The following TUBA1C variants were observed in gnomAD, a reference collection of about 807,000 sequenced individuals.
TUBA1C encodes tubulin alpha-1C chain.
TUBA1C carries 16 observed loss-of-function variants against 34.9 expected under a neutral mutation model. The ratio of observed to expected loss-of-function variants is 0.46; its 90% CI spans 0.31 to 0.70. TUBA1C has a LOEUF of 0.70. TUBA1C is among the 30% of genes least tolerant of loss of function. The pLI is 0.05. For missense variants in TUBA1C, 329 were observed against 587.3 expected, an observed-to-expected ratio of 0.56 and a Z score of 4.55; for synonymous variants, 177 against 215.9, an observed-to-expected ratio of 0.82 and a Z score of 1.58.
At chr12:49,267,281 C>T (rs1306434102) in intron 1 of TUBA1C, among the ~76,000 whole-genome samples, 2 of 152,236 alleles carry the variant, frequency 1.3e-5, no homozygotes, top group East Asian at 1.9e-4. Flanking sequence ...GATACTTTAT[C>T]TCCTTGGGCC....
chr12:49,237,935 C>T (rs762258373), intron 1 of TUBA1C, among the ~76,000 whole-genome samples: 18 of 151,890 alleles, frequency 1.2e-4, no homozygotes, highest in Non-Finnish European at 2.1e-4. Flanking sequence ...TTTGGGAAAA[C>T]TCGTCTCTAC....
In TUBA1C at chr12:49,272,875, C is replaced by T. The variant is rs777574103; in HGVS notation, c.998C>T (p.Ala333Val). 6 of 1,614,018 alleles carry T rather than the reference C, an allele frequency of 3.7e-6. No homozygotes were observed. Among genetic ancestry groups the T allele is most frequent in the Non-Finnish European group, 4.2e-6 (5 of 1,180,016 alleles). The change falls in exon 4 of 4, where the codon GCC becomes GTC. Residue 333 changes from alanine (A) to valine (V), a missense_variant. Physicochemically the swap from Ala to Val is moderately conservative, Grantham distance 64 (BLOSUM62 0). Around this residue, in one of 4 missense-constraint regions of TUBA1C, gnomAD observed 140 missense variants for 289.8 expected, o/e 0.48. Transcript: ENST00000301072. The stretch of plus-strand genomic sequence containing the variant: ...CCCAAAGATGTCAATGCTGCCATTG[C>T]CACCATCAAAACCAAGCGTACCATC... ...VVPKDVNAAI[A>V]TIKTKRTIQF...
At chr12:49,267,799 G>C (rs548274038) in intron 1 of TUBA1C, among the ~76,000 whole-genome samples, 2 of 152,172 alleles carry the variant, frequency 1.3e-5, no homozygotes, top group Non-Finnish European at 2.9e-5. Context: ...AGTGTAGGTG[G>C]GAAGGAGGTC....
chr12:49,230,041 C>G (rs1942480214), intron 1 of TUBA1C, among the ~76,000 whole-genome samples: 1 of 151,754 alleles, frequency 6.6e-6, no homozygotes, highest in South Asian at 2.1e-4. Flanking sequence ...TTGCCTTGGC[C>G]TCCCAAAGTG....
intron 1 of TUBA1C, among the ~76,000 whole-genome samples, chr12:49,230,640 T>TTCCCTC (rs1418254094): frequency 6.6e-6 from 1 of 152,226 alleles, no homozygotes; most frequent in African/African-American, 2.4e-5. Flanking sequence ...GCTGACCCTT[T>TTCCCTC]TCCCTCTCCC....
chr12:49,258,675 G>A (rs910315592), intron 1 of TUBA1C, among the ~76,000 whole-genome samples: 1 of 151,522 alleles, frequency 6.6e-6, no homozygotes, highest in East Asian at 2.0e-4. Context: ...TGATCAGCCC[G>A]CCTTGGCCTC....
intron 1 of TUBA1C, among the ~76,000 whole-genome samples, chr12:49,252,285 A>G (rs962172659): frequency 1.3e-5 from 2 of 152,334 alleles, no homozygotes; most frequent in South Asian, 4.1e-4. Flanking sequence ...CTAATAAAAT[A>G]TGTAAATTCC....
At position 49,253,536 on chromosome 12, in the gene TUBA1C, G is replaced by A. The variant is rs544903402; in HGVS notation, c.214-15929G>A. ...CATGAAGGGAGGGGGCGTGGGGAGG[G>A]GATACTCATTTTATTTTTGAGAGAG... On this transcript the variant is annotated intron_variant, in intron 1 of 3. Transcript: ENST00000541364. 4.6e-5 allele frequency among the ~76,000 whole-genome samples: 7 copies of A among 151,822 alleles called. No individual in the cohort carries two copies. The East Asian group carries it at 7.8e-4, about 17-fold the overall frequency.
intron 1 of TUBA1C, among the ~76,000 whole-genome samples, chr12:49,240,616 C>A (rs923673541): frequency 1.3e-5 from 2 of 152,128 alleles, no homozygotes; most frequent in African/African-American, 4.8e-5. Flanking sequence ...GGGACAGGGT[C>A]TCTCTCTGTC....
In TUBA1C at chr12:49,271,971, CT is replaced by C. The variant is rs113867895; in HGVS notation, c.376-268del. On this transcript the variant is annotated intron_variant, in intron 3 of 3. Transcript: ENST00000301072. The stretch of plus-strand genomic sequence containing the variant: ...TTCTGAATCACTTAGCACTTAAAAG[CT>C]TTTTTTTTTTTTTGGAGACAGGGTC... 4.5e-3 allele frequency among the ~76,000 whole-genome samples: 641 copies of C among 143,178 alleles called. 1 individual carries two copies. Among genetic ancestry groups the C allele is most frequent in the Non-Finnish European group, 4.7e-3 (306 of 65,072 alleles). The allele number at this position is 143,178 out of a possible 152,430, so 93.9% of individuals were successfully genotyped here. A position where few individuals can be genotyped will look rare whatever the true frequency, so the allele number is the denominator to read the frequency against.
rs1319557859 is a variant in TUBA1C at position 49,248,883 on chromosome 12, A to T, written c.214-20582A>T. On this transcript the variant is annotated intron_variant, in intron 1 of 3. Coordinates refer to the TUBA1C transcript ENST00000541364. ...ACTCCCTCTCAAAAAAAAAAAAAAA[A>T]AAAAAAGTTAGAAATCAACAACAGA... is the stretch of plus-strand genomic sequence containing the variant. Among the ~76,000 whole-genome samples, 6 of 151,380 alleles carry T rather than the reference A, an allele frequency of 4.0e-5. No homozygotes were observed. The South Asian group carries it at 1.2e-3, about 31-fold the overall frequency.
At chr12:49,237,896 G>A (rs1942573580) in intron 1 of TUBA1C, among the ~76,000 whole-genome samples, 2 of 151,886 alleles carry the variant, frequency 1.3e-5, no homozygotes, top group Non-Finnish European at 2.9e-5. Flanking sequence ...ATTACTTGAG[G>A]TCACGAGTTT....
At chr12:49,250,043 C>A (rs1011654106) in intron 1 of TUBA1C, among the ~76,000 whole-genome samples, 2 of 150,976 alleles carry the variant, frequency 1.3e-5, no homozygotes, top group Non-Finnish European at 2.9e-5. Context: ...ACTAAAAATA[C>A]AAAAATTAGC....
intron 1 of TUBA1C, among the ~76,000 whole-genome samples, chr12:49,234,840 G>A (rs1592272349): frequency 6.6e-6 from 1 of 152,182 alleles, no homozygotes; most frequent in Admixed American, 6.5e-5. Flanking sequence ...TTTTGGAGAC[G>A]GAGTATTGCT....
In TUBA1C at chr12:49,272,957, C is replaced by T; in HGVS notation, c.1080C>T (p.Pro360=). ...GFKVGINYQP[P]TVVPGGDLAK... is the part of the protein sequence containing the mutation. Reference sequence around the variant, plus strand: ...AGGTTGGCATTAATTACCAGCCTCCCACTGTGGTGCCTGGCGGAGACCTGG... The same window carrying T: ...AGGTTGGCATTAATTACCAGCCTCCTACTGTGGTGCCTGGCGGAGACCTGG... Residue 360 remains proline, a synonymous_variant, in exon 4 of 4, where the codon CCC becomes CCT. Coordinates refer to ENST00000301072, the MANE Select transcript of TUBA1C (RefSeq NM_032704.5). The T allele has an allele frequency of 6.2e-7, 1 of 1,614,232 alleles. No individual in the cohort carries two copies. Among genetic ancestry groups the T allele is most frequent in the Non-Finnish European group, 8.5e-7 (1 of 1,180,046 alleles).
At chr12:49,235,198 A>G (rs188583388) in intron 1 of TUBA1C, among the ~76,000 whole-genome samples, 295 of 152,220 alleles carry the variant, frequency 1.9e-3, no homozygotes, top group Middle Eastern at 0.014. Flanking sequence ...TTATTCGAAT[A>G]AAAAGGGCTC....
intron 1 of TUBA1C, among the ~76,000 whole-genome samples, chr12:49,246,603 A>G (rs1942671435): frequency 6.6e-6 from 1 of 151,860 alleles, no homozygotes; most frequent in Admixed American, 6.6e-5. Context: ...TGAACCCGGG[A>G]GGCGGAGCTT....
At position 49,265,089 on chromosome 12, in the gene TUBA1C, C is replaced by T; in HGVS notation, c.-93C>T. Reference sequence around the variant, plus strand: ...GGGGCCGGCCACCCTTTCACTACTTCTCCCCCGGACTCCTTGGTAGTCTGT... The same window carrying T: ...GGGGCCGGCCACCCTTTCACTACTTTTCCCCCGGACTCCTTGGTAGTCTGT... On this transcript the variant is annotated 5_prime_UTR_variant, in exon 1 of 4. Transcript: ENST00000301072. 1 of 1,460,012 alleles carries T rather than the reference C, an allele frequency of 6.8e-7. No individual in the cohort carries two copies. Among genetic ancestry groups the T allele is most frequent in the Non-Finnish European group, 9.2e-7 (1 of 1,089,888 alleles). 90.4% of individuals were successfully genotyped at this position (1,460,012 alleles called of 1,614,324 possible). A position where few individuals can be genotyped will look rare whatever the true frequency, so the allele number is the denominator to read the frequency against.
chr12:49,266,991 G>C (rs946193969), intron 1 of TUBA1C, among the ~76,000 whole-genome samples: 2 of 152,166 alleles, frequency 1.3e-5, no homozygotes, highest in Non-Finnish European at 2.9e-5. Context: ...GCAGGAGAGC[G>C]GCAGCGGACT....
Sources: gnomAD v4.1 joint callset for allele counts (sites outside exome capture counted in the v4.1 genomes callset) on GRCh38, gnomAD v4.1.1 for gene constraint, gnomAD v4.1.1 regional missense constraint, MANE v1.5 for transcripts, NCBI Gene and HGNC (gene_info 2026-07-23, HGNC 2026-07-21) for gene names.